The following KATNIP variants were observed in gnomAD, a reference collection of about 807,000 sequenced individuals.
KATNIP encodes the protein katanin interacting protein.
A neutral mutation model predicts 174.0 loss-of-function variants in KATNIP; 126 were observed. That is an observed-to-expected ratio of 0.72 (90% CI 0.63 to 0.84). The LOEUF (loss-of-function observed/expected upper bound fraction) is 0.84, where lower values mean the gene tolerates loss of function less well. Ranked by LOEUF, KATNIP falls within the 40% of genes least tolerant of loss-of-function variation. The probability of loss-of-function intolerance (pLI) is 0.00; values close to 1 mark genes in which losing one functional copy is unlikely to be tolerated. For missense variants in KATNIP, 1,958 were observed against 2,109.7 expected (o/e 0.93, Z 1.41); for synonymous variants, 810 against 835.7 (o/e 0.97, Z 0.53).
At chr16:27,627,422 T>C (rs950923578) in intron 3 of KATNIP, among the ~76,000 whole-genome samples, 3 of 152,208 alleles carry the variant, frequency 2.0e-5, no homozygotes, top group African/African-American at 7.2e-5. Context: ...GTGATAGTGC[T>C]TTTGGCTGTG....
chr16:27,577,816 T>C (rs2090553855), intron 2 of KATNIP, among the ~76,000 whole-genome samples: 2 of 152,032 alleles, frequency 1.3e-5, no homozygotes, highest in African/African-American at 2.4e-5. Flanking sequence ...GAGGCTGCAA[T>C]AGGCTATGAT....
intron 18 of KATNIP, among the ~76,000 whole-genome samples, chr16:27,758,350 T>G (rs1368683429): frequency 6.6e-6 from 1 of 152,198 alleles, no homozygotes; most frequent in Non-Finnish European, 1.5e-5. Context: ...CTGGTAGTGC[T>G]ATCTCTGAAA....
intron 6 of KATNIP, among the ~76,000 whole-genome samples, chr16:27,662,692 T>G (rs759622242): frequency 6.6e-6 from 1 of 152,204 alleles, no homozygotes; most frequent in Non-Finnish European, 1.5e-5. Flanking sequence ...ATAAAGCATA[T>G]TTTTCAATCT....
intron 14 of KATNIP, among the ~76,000 whole-genome samples, chr16:27,738,167 G>A (rs1189868288): frequency 6.6e-6 from 1 of 152,066 alleles, no homozygotes; most frequent in African/African-American, 2.4e-5. Context: ...TGAAAGAGCC[G>A]AGCAAAAAAG....
chr16:27,615,557 T>A (rs1040005116), intron 2 of KATNIP, among the ~76,000 whole-genome samples: 1 of 152,084 alleles, frequency 6.6e-6, no homozygotes, highest in African/African-American at 2.4e-5. Flanking sequence ...GGTTTCACCA[T>A]GTTAGCCGGG....
intron 13 of KATNIP, chr16:27,718,511 T>C (rs1416866843): frequency 3.3e-5 from 5 of 152,246 alleles, no homozygotes; most frequent in Non-Finnish European, 7.3e-5. Flanking sequence ...CCCAGAGTTA[T>C]CCGCAGGTTA....
intron 3 of KATNIP, among the ~76,000 whole-genome samples, chr16:27,620,449 C>T (rs2076160258): frequency 6.6e-6 from 1 of 152,152 alleles, no homozygotes; most frequent in African/African-American, 2.4e-5. Flanking sequence ...GAAGTGGAGG[C>T]TCCGAGCAGT....
intron 2 of KATNIP, among the ~76,000 whole-genome samples, chr16:27,574,558 C>CTTTTTT (rs10708223): frequency 1.1e-3 from 59 of 53,486 alleles, no homozygotes; most frequent in African/African-American, 2.5e-3. Context: ...ACTTTCTATT[C>CTTTTTT]TTTTTTTTTT....
At chr16:27,683,268 T>A (rs2078411768) in intron 8 of KATNIP, among the ~76,000 whole-genome samples, 1 of 152,220 alleles carries the variant, frequency 6.6e-6, no homozygotes. Flanking sequence ...CAGGAAGAAC[T>A]GTGGCTAACT....
intron 2 of KATNIP, among the ~76,000 whole-genome samples, chr16:27,594,481 G>A (rs937281379): frequency 6.6e-5 from 10 of 151,882 alleles, no homozygotes; most frequent in African/African-American, 2.2e-4. Flanking sequence ...ATTCCTGGTC[G>A]GTTTACTTAT....
rs201094823 is a variant in KATNIP, at chr16:27,701,692, G to A, written c.1283G>A (p.Ser428Asn). 3 of 1,596,152 alleles carry A rather than the reference G, an allele frequency of 1.9e-6. No individual in the cohort carries two copies. Among genetic ancestry groups the A allele is most frequent in the South Asian group, 2.3e-5 (2 of 87,484 alleles). The change falls in exon 11 of 28, where the codon AGC becomes AAC. Residue 428 changes from serine (S) to asparagine (N), a missense_variant. Around this residue, in one of 3 missense-constraint regions of KATNIP, gnomAD observed 1,557 missense variants for 1,617.8 expected, o/e 0.96. Coordinates refer to ENST00000261588, the MANE Select transcript of KATNIP (RefSeq NM_015202.5). Reference protein sequence around the residue: ...QAMDRIGLLGSRQQQKLLKVL... With the variant: ...QAMDRIGLLGNRQQQKLLKVL... Reference sequence around the variant, plus strand: ...ATGGACAGAATTGGGCTTCTGGGAAGCAGGTACTACTAAGGCTGAGGCCAA... The same window carrying A: ...ATGGACAGAATTGGGCTTCTGGGAAACAGGTACTACTAAGGCTGAGGCCAA...
At chr16:27,591,670 G>A (rs968992151) in intron 2 of KATNIP, among the ~76,000 whole-genome samples, 1 of 152,040 alleles carries the variant, frequency 6.6e-6, no homozygotes, top group Non-Finnish European at 1.5e-5. Flanking sequence ...TTCAGCATGG[G>A]GCCCGGCATG....
intron 17 of KATNIP, among the ~76,000 whole-genome samples, chr16:27,752,215 G>A (rs150267665): frequency 8.4e-4 from 128 of 152,206 alleles, no homozygotes; most frequent in African/African-American, 2.8e-3. Context: ...TTGGCAGTCT[G>A]GGGGGAGTTT....
intron 3 of KATNIP, among the ~76,000 whole-genome samples, chr16:27,621,008 C>T (rs1206650017): frequency 6.6e-6 from 1 of 152,114 alleles, no homozygotes; most frequent in Non-Finnish European, 1.5e-5. Context: ...ATTAAGAAAT[C>T]CAACATTGAG....
chr16:27,641,745 G>A (rs924303434), intron 5 of KATNIP, among the ~76,000 whole-genome samples: 20 of 152,236 alleles, frequency 1.3e-4, no homozygotes, highest in African/African-American at 4.3e-4. Flanking sequence ...CCAAGGCAAA[G>A]GAGGGGCCTG....
Position 27,761,592 on chromosome 16 carries a change from T to C in KATNIP, c.3809+2T>C. Reference sequence around the variant, plus strand: ...TGACGACTCCCGGGCCCTGGACAAGTAAGTGTCTATCAGAAGCTTTACTTT... The same window carrying C: ...TGACGACTCCCGGGCCCTGGACAAGCAAGTGTCTATCAGAAGCTTTACTTT... On this transcript the variant is annotated splice_donor_variant, in intron 19 of 27. Transcript: ENST00000261588. LOFTEE classifies it high-confidence loss of function. 2 of 1,611,306 alleles carry C rather than the reference T, an allele frequency of 1.2e-6. No homozygotes were observed. Among genetic ancestry groups the C allele is most frequent in the Non-Finnish European group, 1.7e-6 (2 of 1,177,806 alleles).
intron 5 of KATNIP, among the ~76,000 whole-genome samples, chr16:27,639,268 G>A (rs534823304): frequency 1.1e-3 from 168 of 152,314 alleles, no homozygotes; most frequent in African/African-American, 3.8e-3. Flanking sequence ...GGATCATGGC[G>A]ATGGCTGTGT....
At chr16:27,710,455 CTG>C (rs1187850721) in intron 13 of KATNIP, among the ~76,000 whole-genome samples, 2 of 152,216 alleles carry the variant, frequency 1.3e-5, no homozygotes, top group Non-Finnish European at 2.9e-5. Context: ...ACACAAGAGA[CTG>C]TGAGCTAAAC....
chr16:27,631,260 C>T lies in KATNIP; in HGVS notation c.408+98C>T, dbSNP rs541531713. On this transcript the variant is annotated intron_variant, in intron 5 of 27. Coordinates refer to ENST00000261588, the MANE Select transcript of KATNIP (RefSeq NM_015202.5). The stretch of plus-strand genomic sequence containing the variant: ...CAGAGCATTTAAAACCCCCATGGGC[C>T]AGGCACAGTGGCTCCTTTATGCAAT... The T allele has an allele frequency of 2.9e-4, 264 of 912,370 alleles. No individual in the cohort carries two copies. In the African/African-American group the frequency reaches 4.1e-3, roughly 14 times the overall value. The allele number at this position is 912,370 out of a possible 1,614,324, so 56.5% of individuals were successfully genotyped here. A position where few individuals can be genotyped will look rare whatever the true frequency, so the allele number is the denominator to read the frequency against.
Sources: gnomAD v4.1 joint callset for allele counts (sites outside exome capture counted in the v4.1 genomes callset) on GRCh38, gnomAD v4.1.1 for gene constraint, gnomAD v4.1.1 regional missense constraint, MANE v1.5 for transcripts, NCBI Gene and HGNC (gene_info 2026-07-23, HGNC 2026-07-21) for gene names.